LRRC71: variants seen among roughly 807,000 people sequenced by gnomAD.
The protein encoded by LRRC71 is leucine rich repeat containing 71, also known as leucine-rich repeat-containing protein 71.
Under a neutral mutation model 66.6 loss-of-function variants are expected in LRRC71, and 54 were observed. That is an observed-to-expected ratio of 0.81 (90% CI 0.65 to 1.02). The LOEUF (loss-of-function observed/expected upper bound fraction) is 1.02, where lower values mean the gene tolerates loss of function less well. Among genes scored for constraint, LRRC71 ranks in the 50% least tolerant of loss-of-function variants. LRRC71 has a pLI of 0.00. For synonymous variants in LRRC71, 323 were observed against 303.9 expected (o/e 1.06, Z -0.65); for missense variants, 724 against 718.0 (o/e 1.01, Z -0.10).
chr1:156,932,619 G>C, intron 14 of LRRC71, 74 bp downstream of exon 14: 1 of 1,613,614 alleles, frequency 6.2e-7, no homozygotes, highest in Non-Finnish European at 8.5e-7. Context: ...AGCTGCTGCA[G>C]GCAGCTTCTG....
downstream of LRRC71, chr1:156,937,148 A>T (rs1655590123): frequency 3.2e-6 from 5 of 1,579,326 alleles, no homozygotes; most frequent in South Asian, 6.0e-5. Flanking sequence ...GGGCCAGGAC[A>T]GGATCTAGGG....
In LRRC71 at chr1:156,924,312, C is replaced by T. The variant is rs574465401; in HGVS notation, c.311-112C>T. The stretch of plus-strand genomic sequence containing the variant: ...GGCCGGAGAGGCAGAGTCCGCAGGC[C>T]GGCGCCTCCCCTCTGGCGGTGTCCT... On this transcript the variant is annotated intron_variant, in intron 2 of 14. Coordinates refer to ENST00000337428, the MANE Select transcript of LRRC71 (RefSeq NM_144702.3). 1.6e-5 allele frequency: 23 copies of T among 1,427,660 alleles called. 1 individual carries two copies. The South Asian group carries it at 3.0e-4, about 19-fold the overall frequency. 88.4% of individuals were successfully genotyped at this position (1,427,660 alleles called of 1,614,324 possible).
downstream of LRRC71, among the ~76,000 whole-genome samples, chr1:156,933,300 C>T (rs1425237949): frequency 6.6e-6 from 1 of 152,214 alleles, no homozygotes; most frequent in Non-Finnish European, 1.5e-5. Flanking sequence ...TAGCCATTCC[C>T]CCACCGTGTT....
the LRRC71 span, chr1:156,940,046 G>C: frequency 6.9e-7 from 1 of 1,440,860 alleles, no homozygotes; most frequent in Non-Finnish European, 9.3e-7. Flanking sequence ...CCAACTAGCT[G>C]GTGGGGGTTG....
rs1389852652 is a variant in LRRC71, at chr1:156,927,920, G to A, written c.912G>A (p.Leu304=). 6.2e-7 allele frequency: 1 copy of A among 1,611,710 alleles called. No individual in the cohort carries two copies. ...DKGALKLAEV[L]RAFELTHTEV... Reference sequence around the variant, plus strand: ...TGAGCGCCCGCCTCCTTCAGGTCCTGCGCGCCTTCGAGCTGACACACACCG... The same window carrying A: ...TGAGCGCCCGCCTCCTTCAGGTCCTACGCGCCTTCGAGCTGACACACACCG... The change falls in exon 9 of 15, where the codon CTG becomes CTA. Residue 304 remains leucine (L), a synonymous_variant. Coordinates refer to ENST00000337428, the MANE Select transcript of LRRC71 (RefSeq NM_144702.3).
At chr1:156,939,995 A>T in the LRRC71 span, 1 of 1,558,094 alleles carries the variant, frequency 6.4e-7, no homozygotes, top group Admixed American at 2.0e-5. Flanking sequence ...ACTGACCCCA[A>T]GGTGGTGACC....
At chr1:156,924,896 G>A in intron 4 of LRRC71, 42 bp from the exon 5 acceptor site, 1 of 1,548,488 alleles carries the variant, frequency 6.5e-7, no homozygotes, top group Non-Finnish European at 8.7e-7. Flanking sequence ...AGTAGGAGGG[G>A]GCGCTCTAGC....
chr1:156,925,128 C>T (rs1388543132), intron 5 of LRRC71, 113 bp downstream of exon 5: 5 of 964,982 alleles, frequency 5.2e-6, no homozygotes, highest in African/African-American at 4.9e-5. Flanking sequence ...GCCTGCCTGG[C>T]ATCCCTGTGG....
chr1:156,926,755 T>C (rs2101617428), intron 5 of LRRC71, among the ~76,000 whole-genome samples: 1 of 152,216 alleles, frequency 6.6e-6, no homozygotes, highest in African/African-American at 2.4e-5. Context: ...TTTGTATTTT[T>C]AGTAAAGACG....
intron 5 of LRRC71, 94 bp downstream of exon 5, chr1:156,925,109 C>T (rs982505577): frequency 3.4e-6 from 4 of 1,161,076 alleles, no homozygotes; most frequent in African/African-American, 1.5e-5. Context: ...CAGGTCCCAG[C>T]TCCTGTGGGC....
intron 5 of LRRC71, among the ~76,000 whole-genome samples, chr1:156,925,325 G>C (rs1250246617): frequency 1.3e-5 from 2 of 152,204 alleles, no homozygotes; most frequent in African/African-American, 4.8e-5. Context: ...TGGCTGCCTG[G>C]GGCTCTGGCC....
rs558849020 is a variant in LRRC71 at position 156,931,405 on chromosome 1, C to T, written c.1330-511C>T. ...TTTCAGTTTCCATTTTTCATCTCTG[C>T]CTCTGTCTTGATCAGGCTGCTGATT... On this transcript the variant is annotated intron_variant, in intron 12 of 14. Coordinates refer to ENST00000337428, the MANE Select transcript of LRRC71 (RefSeq NM_144702.3). 1.1e-4 allele frequency among the ~76,000 whole-genome samples: 16 copies of T among 152,286 alleles called. No individual in the cohort carries two copies. The South Asian group carries it at 2.9e-3, about 28-fold the overall frequency.
chr1:156,936,328 TC>T (rs1655111057), downstream of LRRC71: 2 of 614,026 alleles, frequency 3.3e-6, no homozygotes, highest in Admixed American at 2.0e-5. Flanking sequence ...TGGTTCTGAA[TC>T]ATTTAATCAG....
At chr1:156,923,142 T>G (rs1316843812) in intron 1 of LRRC71, among the ~76,000 whole-genome samples, 1 of 152,218 alleles carries the variant, frequency 6.6e-6, no homozygotes, top group African/African-American at 2.4e-5. Flanking sequence ...ACTGCTGAGC[T>G]GCAGGTGTCC....
rs566677238 is a variant in LRRC71 at position 156,929,232 on chromosome 1, G to A, written c.997-48G>A. On this transcript the variant is annotated intron_variant, in intron 9 of 14. Coordinates refer to ENST00000337428, the MANE Select transcript of LRRC71 (RefSeq NM_144702.3). ...AGCTACCTTTCATGCCCCCATTGAG[G>A]AAGGGGCTCTGGCTTCTTCCCCCCT... is the stretch of plus-strand genomic sequence containing the variant. 36 of 1,557,212 alleles carry A rather than the reference G, an allele frequency of 2.3e-5. 1 individual carries two copies. In the South Asian group the frequency reaches 4.0e-4, roughly 17 times the overall value.
chr1:156,929,709 C>A lies in LRRC71; in HGVS notation c.1220C>A (p.Ala407Asp). The A allele has an allele frequency of 1.3e-6, 2 of 1,570,852 alleles. No homozygotes were observed. Among genetic ancestry groups the A allele is most frequent in the Non-Finnish European group, 8.6e-7 (1 of 1,158,162 alleles). ...PTQGTPKKED[A>D]TKAGKGKVTI... ...CAAGGAACCCCTAAGAAGGAAGATGCCACAAAGGCAGGCAAGGGGAGTAAG... is the reference window on the plus strand; with the variant it reads ...CAAGGAACCCCTAAGAAGGAAGATGACACAAAGGCAGGCAAGGGGAGTAAG... Residue 407 changes from alanine to aspartate, a missense_variant, in exon 11 of 15, where the codon GCC becomes GAC. Coordinates refer to ENST00000337428, the MANE Select transcript of LRRC71 (RefSeq NM_144702.3).
chr1:156,933,268 T>A (rs751409775), downstream of LRRC71, among the ~76,000 whole-genome samples: 1 of 152,238 alleles, frequency 6.6e-6, no homozygotes, highest in African/African-American at 2.4e-5. Flanking sequence ...TCCTGGGGGC[T>A]AGTTCTTCCT....
chr1:156,929,162 G>C, intron 9 of LRRC71, 118 bp from the exon 10 acceptor site: 1 of 1,193,610 alleles, frequency 8.4e-7, no homozygotes, highest in South Asian at 1.5e-5. Context: ...CAGGGAGGTG[G>C]GTGGGAGGGT....
downstream of LRRC71, among the ~76,000 whole-genome samples, chr1:156,937,731 G>A (rs928217173): frequency 3.9e-5 from 6 of 152,170 alleles, no homozygotes; most frequent in African/African-American, 9.7e-5. Context: ...GATGCTGAGC[G>A]ATGAACTCAA....
Sources: allele counts gnomAD v4.1 joint callset (sites outside exome capture counted in the v4.1 genomes callset), GRCh38; gene constraint gnomAD v4.1.1; transcripts MANE v1.5; gene names NCBI Gene and HGNC (gene_info 2026-07-23, HGNC 2026-07-21).